The following XRCC4 variants were observed in gnomAD, a reference collection of about 807,000 sequenced individuals.
XRCC4 encodes DNA repair protein XRCC4.
XRCC4 carries 28 observed loss-of-function variants against 39.1 expected under a neutral mutation model. That is an observed-to-expected ratio of 0.72 (90% CI 0.53 to 0.98). The LOEUF is 0.98. Ranked by LOEUF, XRCC4 falls within the 50% of genes least tolerant of loss-of-function variation. The probability of loss-of-function intolerance (pLI) is 0.00; values close to 1 mark genes in which losing one functional copy is unlikely to be tolerated. For missense variants in XRCC4, 350 were observed against 376.4 expected (o/e 0.93, Z 0.58); for synonymous variants, 123 against 126.4 (o/e 0.97, Z 0.18).
chr5:83,199,727 A>G (rs55952644), intron 4 of XRCC4, among the ~76,000 whole-genome samples: 2,766 of 152,030 alleles, frequency 0.018, 79 homozygotes, highest in African/African-American at 0.064. Context: ...TATTTTGAAT[A>G]TTCAGTATTT....
At chr5:83,150,040 A>G (rs1278827823) in intron 3 of XRCC4, among the ~76,000 whole-genome samples, 2 of 152,204 alleles carry the variant, frequency 1.3e-5, no homozygotes, top group East Asian at 3.8e-4. Context: ...AAGCAGGAAG[A>G]ACATCCTTTG....
chr5:83,350,070 A>G (rs937826276), intron 7 of XRCC4, among the ~76,000 whole-genome samples: 2 of 152,094 alleles, frequency 1.3e-5, no homozygotes, highest in East Asian at 1.9e-4. Flanking sequence ...AGCTGCATCC[A>G]TGTTGCTGCA....
chr5:83,148,059 C>T (rs745886255), intron 3 of XRCC4, among the ~76,000 whole-genome samples: 2 of 151,830 alleles, frequency 1.3e-5, no homozygotes, highest in Non-Finnish European at 2.9e-5. Flanking sequence ...AAGTGCTGGA[C>T]GTCATCTTAT....
intron 3 of XRCC4, among the ~76,000 whole-genome samples, chr5:83,157,497 T>TA (rs763758146): frequency 9.9e-5 from 15 of 151,418 alleles, no homozygotes; most frequent in South Asian, 2.1e-4. Flanking sequence ...TCAAATAAAA[T>TA]AAAAAAAACA....
At chr5:83,147,724 A>G (rs575233981) in intron 3 of XRCC4, among the ~76,000 whole-genome samples, 7 of 152,308 alleles carry the variant, frequency 4.6e-5, no homozygotes, top group African/African-American at 1.7e-4. Flanking sequence ...AAAAAATCAT[A>G]AGTATGTGAA....
chr5:83,303,632 T>C (rs1351913306), intron 7 of XRCC4, among the ~76,000 whole-genome samples: 1 of 152,206 alleles, frequency 6.6e-6, no homozygotes, highest in Non-Finnish European at 1.5e-5. Flanking sequence ...ATATTTAATT[T>C]CATGCCTCTA....
At chr5:83,300,197 A>C (rs191406685) in intron 7 of XRCC4, among the ~76,000 whole-genome samples, 1 of 152,232 alleles carries the variant, frequency 6.6e-6, no homozygotes. Context: ...TCCCACCTTT[A>C]TAGATGGTCT....
intron 6 of XRCC4, among the ~76,000 whole-genome samples, chr5:83,213,937 GATAAA>G (rs1335197323): frequency 1.3e-5 from 2 of 152,094 alleles, no homozygotes; most frequent in African/African-American, 2.4e-5. Flanking sequence ...ATTTCACAAT[GATAAA>G]ATAAAGCACA....
intron 6 of XRCC4, among the ~76,000 whole-genome samples, chr5:83,233,521 A>G (rs1295931067): frequency 6.6e-6 from 1 of 152,124 alleles, no homozygotes; most frequent in Non-Finnish European, 1.5e-5. Context: ...TTCTCCAGAA[A>G]AGGACAGATC....
intron 7 of XRCC4, among the ~76,000 whole-genome samples, chr5:83,300,578 C>CA: frequency 6.8e-5 from 1 of 14,746 alleles, no homozygotes; most frequent in African/African-American, 1.5e-4. Flanking sequence ...GTGTGTGTGT[C>CA]CCTTTTTTTT....
the XRCC4 span, among the ~76,000 whole-genome samples, chr5:83,368,068 C>A: frequency 7.1e-6 from 1 of 141,342 alleles, no homozygotes; most frequent in Non-Finnish European, 1.5e-5. Context: ...CTACACTGAA[C>A]CCCAATAAGA....
intron 3 of XRCC4, among the ~76,000 whole-genome samples, chr5:83,123,551 A>T (rs763350338): frequency 4.8e-5 from 2 of 41,262 alleles, no homozygotes; most frequent in South Asian, 1.8e-3. Context: ...ACAATTACAT[A>T]AAAAAATGGT....
At chr5:83,112,851 G>A (rs1746510768) in intron 3 of XRCC4, among the ~76,000 whole-genome samples, 2 of 152,142 alleles carry the variant, frequency 1.3e-5, no homozygotes, top group Admixed American at 1.3e-4. Context: ...CTCCCGCTGG[G>A]TCCCTCTCAT....
intron 1 of XRCC4, among the ~76,000 whole-genome samples, chr5:83,078,174 G>A (rs1379030713): frequency 6.6e-6 from 1 of 152,210 alleles, no homozygotes; most frequent in Non-Finnish European, 1.5e-5. Context: ...AAATGACAAG[G>A]CAACTTTTAA....
intron 7 of XRCC4, among the ~76,000 whole-genome samples, chr5:83,275,262 G>A (rs997880605): frequency 6.6e-6 from 1 of 151,876 alleles, no homozygotes; most frequent in Non-Finnish European, 1.5e-5. Flanking sequence ...TTTGCAGGTC[G>A]TGAAAATAGA....
At chr5:83,331,624 A>T (rs1388244438) in intron 7 of XRCC4, among the ~76,000 whole-genome samples, 2 of 152,114 alleles carry the variant, frequency 1.3e-5, no homozygotes, top group East Asian at 1.9e-4. Context: ...TATCGAGCTC[A>T]CATTCTGAGG....
At chr5:83,353,020 A>G in intron 7 of XRCC4, 111 bp from the exon 8 acceptor site, 1 of 865,124 alleles carries the variant, frequency 1.2e-6, no homozygotes, top group Non-Finnish European at 1.8e-6. Context: ...CTCTAAACCA[A>G]TTTGAAACAG....
intron 7 of XRCC4, among the ~76,000 whole-genome samples, chr5:83,344,149 C>CAG (rs1756847747): frequency 6.6e-6 from 1 of 151,832 alleles, no homozygotes; most frequent in Non-Finnish European, 1.5e-5. Flanking sequence ...CACACACACA[C>CAG]ACACACACAC....
At chr5:83,333,530 A>G (rs1466071326) in intron 7 of XRCC4, among the ~76,000 whole-genome samples, 1 of 152,170 alleles carries the variant, frequency 6.6e-6, no homozygotes, top group Non-Finnish European at 1.5e-5. Context: ...CAAAACACTT[A>G]TCATCTGTAA....
Sources: allele counts gnomAD v4.1 joint callset (sites outside exome capture counted in the v4.1 genomes callset), GRCh38; gene constraint gnomAD v4.1.1; transcripts MANE v1.5; gene names NCBI Gene and HGNC (gene_info 2026-07-23, HGNC 2026-07-21).